The following STK33 variants were observed in gnomAD, a reference collection of about 807,000 sequenced individuals.
STK33 encodes the protein serine/threonine-protein kinase 33.
In STK33, 52 loss-of-function variants were observed where a neutral mutation model predicts 58.0. The observed-to-expected ratio is 0.90, with a 90% CI of 0.72 to 1.13. STK33 has a LOEUF of 1.13. Ranked by LOEUF, STK33 falls within the 50% of genes most tolerant of loss-of-function variation. The pLI, the probability that STK33 is intolerant of heterozygous loss-of-function variation, is 0.00. For synonymous variants in STK33, 215 were observed against 200.1 expected, an observed-to-expected ratio of 1.07 and a Z score of -0.63; for missense variants, 630 against 604.2, an observed-to-expected ratio of 1.04 and a Z score of -0.45.
intron 1 of STK33, among the ~76,000 whole-genome samples, chr11:8,496,170 CAGG>C (rs1951043588): frequency 6.6e-6 from 1 of 151,794 alleles, no homozygotes; most frequent in Admixed American, 6.6e-5. Flanking sequence ...CTTGATTTTC[CAGG>C]AGATTGCTGA....
rs1219986015 is a variant in STK33 at position 8,481,550 on chromosome 11, A to G, written c.-465-936T>C. On this transcript the variant is annotated intron_variant, in intron 1 of 15. Coordinates refer to ENST00000687296, the MANE Select transcript of STK33 (RefSeq NM_001352389.2). ...TAAGGCAGACAATGACCTGACATGT[A>G]AAAGAAGTCTGAATGTATCTGTGGA... Among the ~76,000 whole-genome samples, 7 of 152,216 alleles carry G rather than the reference A, an allele frequency of 4.6e-5. No individual in the cohort carries two copies. The East Asian group carries it at 1.3e-3, about 29-fold the overall frequency.
rs185947099 is a variant in STK33 at position 8,447,939 on chromosome 11, T to C, written c.871+4883A>G. On this transcript the variant is annotated intron_variant, in intron 11 of 15. Coordinates refer to ENST00000687296, the MANE Select transcript of STK33 (RefSeq NM_001352389.2). ...AAGCTGATAGGCAACTTCAGCAAAG[T>C]CTCAGGATACAAAATCAATGTGCAA... 2.0e-4 allele frequency among the ~76,000 whole-genome samples: 31 copies of C among 152,286 alleles called. No individual in the cohort carries two copies. In the East Asian group the frequency reaches 5.4e-3, roughly 27 times the overall value.
chr11:8,444,020 A>T (rs776247362), intron 11 of STK33, among the ~76,000 whole-genome samples: 13 of 152,188 alleles, frequency 8.5e-5, no homozygotes, highest in Admixed American at 2.0e-4. Flanking sequence ...AAAATAAAAT[A>T]AAATTAACAA....
At chr11:8,426,362 G>T (rs889175757) in intron 14 of STK33, among the ~76,000 whole-genome samples, 3 of 152,224 alleles carry the variant, frequency 2.0e-5, no homozygotes, top group African/African-American at 4.8e-5. Flanking sequence ...TTGTGCGTCT[G>T]CCTGCTAGGG....
chr11:8,495,462 G>C (rs1414219852), intron 1 of STK33, among the ~76,000 whole-genome samples: 2 of 152,194 alleles, frequency 1.3e-5, no homozygotes, highest in African/African-American at 2.4e-5. Flanking sequence ...ATACTGGAGA[G>C]GATGTGGAGA....
intron 1 of STK33, among the ~76,000 whole-genome samples, chr11:8,512,334 C>G (rs1282921912): frequency 6.6e-6 from 1 of 151,484 alleles, no homozygotes; most frequent in Non-Finnish European, 1.5e-5. Context: ...GGTAGATATA[C>G]AAAAAAAATA....
chr11:8,454,992 C>T (rs1265812828), intron 9 of STK33, among the ~76,000 whole-genome samples, 160 bp from the exon 10 acceptor site: 3 of 152,168 alleles, frequency 2.0e-5, no homozygotes, highest in African/African-American at 4.8e-5. Flanking sequence ...ATAAATGCTT[C>T]CTCCACATTT....
intron 12 of STK33, 118 bp downstream of exon 12, chr11:8,440,560 C>A (rs887539105): frequency 2.5e-6 from 2 of 793,470 alleles, no homozygotes; most frequent in Non-Finnish European, 1.8e-6. Context: ...AATGATCTCC[C>A]AATTGGTTTT....
chr11:8,511,155 A>G (rs911794101), intron 1 of STK33, among the ~76,000 whole-genome samples: 1 of 152,086 alleles, frequency 6.6e-6, no homozygotes, highest in Admixed American at 6.6e-5. Context: ...TTTGTCACCT[A>G]TGATTTCTTT....
the STK33 span, among the ~76,000 whole-genome samples, chr11:8,383,849 C>T: frequency 1.3e-5 from 2 of 152,186 alleles, no homozygotes; most frequent in Non-Finnish European, 2.9e-5. Flanking sequence ...ATTCTGTGAG[C>T]CCTGTCAGGC....
At chr11:8,556,528 C>T (rs931795620) in intron 1 of STK33, among the ~76,000 whole-genome samples, 2 of 152,084 alleles carry the variant, frequency 1.3e-5, no homozygotes, top group Non-Finnish European at 2.9e-5. Context: ...CCTGGAAATC[C>T]TTCCACCCCC....
intron 1 of STK33, among the ~76,000 whole-genome samples, chr11:8,563,275 G>GACCAAAATC (rs1957236191): frequency 6.6e-6 from 1 of 152,092 alleles, no homozygotes; most frequent in South Asian, 2.1e-4. Context: ...ACATTGCCCT[G>GACCAAAATC]ACCAAAATCT....
downstream of STK33, among the ~76,000 whole-genome samples, chr11:8,386,953 C>T (rs1198797485): frequency 5.9e-5 from 9 of 152,204 alleles, no homozygotes; most frequent in East Asian, 1.2e-3. Flanking sequence ...ACAGAAAGGA[C>T]GGTCCCTGTG....
At chr11:8,402,069 G>A (rs1419640006) in intron 15 of STK33, among the ~76,000 whole-genome samples, 4 of 152,124 alleles carry the variant, frequency 2.6e-5, no homozygotes, top group African/African-American at 9.7e-5. Flanking sequence ...GATTCCTCAG[G>A]GATCTAGAAT....
intron 5 of STK33, 139 bp downstream of exon 5, chr11:8,474,542 T>A (rs1949081115): frequency 1.1e-5 from 7 of 612,020 alleles, no homozygotes; most frequent in Non-Finnish European, 1.9e-5. Context: ...ACTCACCTCT[T>A]CTGTGAGAAA....
intron 1 of STK33, among the ~76,000 whole-genome samples, chr11:8,499,500 G>GAAGA (rs1159328245): frequency 6.6e-6 from 1 of 152,170 alleles, no homozygotes; most frequent in African/African-American, 2.4e-5. Context: ...AACCATTGTG[G>GAAGA]AAGACAGAGT....
intron 9 of STK33, 22 bp from the exon 10 acceptor site, chr11:8,454,854 A>C (rs754001542): frequency 2.0e-6 from 3 of 1,512,330 alleles, no homozygotes; most frequent in Admixed American, 2.2e-5. Context: ...ATAAACAACA[A>C]ATCAAATGAA....
At chr11:8,374,004 T>C in the STK33 span, among the ~76,000 whole-genome samples, 2 of 152,258 alleles carry the variant, frequency 1.3e-5, no homozygotes, top group Non-Finnish European at 2.9e-5. Context: ...GCCTCCTTAC[T>C]GATACCCAAT....
chr11:8,574,075 C>T (rs565577753), intron 1 of STK33, among the ~76,000 whole-genome samples: 1 of 152,302 alleles, frequency 6.6e-6, no homozygotes, highest in South Asian at 2.1e-4. Flanking sequence ...GGAGTGTTGC[C>T]AGTCCCTCAG....
Sources: gnomAD v4.1 joint callset for allele counts (sites outside exome capture counted in the v4.1 genomes callset) on GRCh38, gnomAD v4.1.1 for gene constraint, MANE v1.5 for transcripts, NCBI Gene and HGNC (gene_info 2026-07-23, HGNC 2026-07-21) for gene names.